Variants in KLRD1 observed in about 807,000 individuals in gnomAD.
The protein encoded by KLRD1 is natural killer cells antigen CD94.
Under a neutral mutation model 22.6 loss-of-function variants are expected in KLRD1, and 21 were observed. The ratio of observed to expected loss-of-function variants is 0.93; its 90% CI spans 0.66 to 1.34. The LOEUF (loss-of-function observed/expected upper bound fraction) is 1.34, where lower values mean the gene tolerates loss of function less well. Among genes scored for constraint, KLRD1 ranks in the 40% most tolerant of loss-of-function variants. KLRD1 has a pLI of 0.00. For missense variants in KLRD1, 183 were observed against 208.6 expected, an observed-to-expected ratio of 0.88 and a Z score of 0.76; for synonymous variants, 59 against 71.1, an observed-to-expected ratio of 0.83 and a Z score of 0.85.
intron 1 of KLRD1, among the ~76,000 whole-genome samples, chr12:10,257,482 C>CTTTTTTTTTTTTTTTTT (rs56871156): frequency 3.1e-5 from 3 of 97,392 alleles, no homozygotes; most frequent in African/African-American, 1.2e-4. Flanking sequence ...GTAGCTGATT[C>CTTTTTTTTTTTTTTTTT]TTTTTTTTTT....
At chr12:10,246,933 C>CTTTT (rs71049075) in intron 1 of KLRD1, among the ~76,000 whole-genome samples, 10 of 58,376 alleles carry the variant, frequency 1.7e-4, no homozygotes, top group Non-Finnish European at 8.3e-5. Context: ...CTTTTCTTTT[C>CTTTT]TTTTTTTTTT....
intron 1 of KLRD1, among the ~76,000 whole-genome samples, chr12:10,245,506 A>G (rs1949282486): frequency 6.6e-6 from 1 of 152,200 alleles, no homozygotes; most frequent in South Asian, 2.1e-4. Context: ...ATACATGAAA[A>G]TCTGTTTTAT....
intron 1 of KLRD1, among the ~76,000 whole-genome samples, chr12:10,296,010 A>AT: frequency 6.6e-6 from 1 of 152,298 alleles, no homozygotes; most frequent in South Asian, 2.1e-4. Context: ...TCTATAATTT[A>AT]TTTTTAAATT....
intron 1 of KLRD1, among the ~76,000 whole-genome samples, chr12:10,281,325 C>T (rs1397440523): frequency 1.3e-5 from 2 of 152,206 alleles, no homozygotes; most frequent in African/African-American, 2.4e-5. Context: ...ACTTTTCAGA[C>T]TCCAACCCTC....
rs1950364983 is a variant in KLRD1, at chr12:10,326,708, C to T, written c.*11915C>T. The T allele has an allele frequency of 1.3e-5, 2 of 152,072 alleles. No homozygotes were observed. Among genetic ancestry groups the T allele is most frequent in the Non-Finnish European group, 2.9e-5 (2 of 68,032 alleles). The allele number at this position is 152,072 out of a possible 1,614,324, so 9.4% of individuals were successfully genotyped here. Reference sequence around the variant, plus strand: ...GTCACAGGTAAGGGACAAATGGTTGCATCTTTTTGTTTCTGATTAGCCTTT... The same window carrying T: ...GTCACAGGTAAGGGACAAATGGTTGTATCTTTTTGTTTCTGATTAGCCTTT... On this transcript the variant is annotated 3_prime_UTR_variant, in exon 6 of 6. Transcript: ENST00000336164.
chr12:10,271,925 T>A (rs981730788), intron 1 of KLRD1, among the ~76,000 whole-genome samples: 2 of 152,178 alleles, frequency 1.3e-5, no homozygotes, highest in African/African-American at 4.8e-5. Context: ...CGTTTATAGA[T>A]CTATTGTAGA....
chr12:10,303,521 A>T (rs771704844), upstream of KLRD1, among the ~76,000 whole-genome samples: 2 of 152,194 alleles, frequency 1.3e-5, no homozygotes, highest in Non-Finnish European at 2.9e-5. Flanking sequence ...TCTTTTCCTG[A>T]TATAGATAAT....
rs1385062384 is a variant in KLRD1, at chr12:10,325,025, C to G, written c.*10232C>G. 6.6e-6 allele frequency: 1 copy of G among 151,460 alleles called. No homozygotes were observed. Among genetic ancestry groups the G allele is most frequent in the African/African-American group, 2.4e-5 (1 of 41,228 alleles). 9.4% of individuals were successfully genotyped at this position (151,460 alleles called of 1,614,324 possible). On this transcript the variant is annotated 3_prime_UTR_variant, in exon 6 of 6. Coordinates refer to ENST00000336164, the MANE Select transcript of KLRD1 (RefSeq NM_002262.5). ...CTTTTTATCACCTTGTCACAGTGGC[C>G]AGAATATTCAACACAAAGTTGAATA...
At chr12:10,244,040 G>A (rs1324627408) in intron 1 of KLRD1, among the ~76,000 whole-genome samples, 3 of 152,212 alleles carry the variant, frequency 2.0e-5, no homozygotes, top group African/African-American at 4.8e-5. Context: ...TGAGCAGTTC[G>A]TGGGCTTCCG....
At chr12:10,314,094 A>G (rs901488286) in intron 5 of KLRD1, among the ~76,000 whole-genome samples, 1 of 152,194 alleles carries the variant, frequency 6.6e-6, no homozygotes, top group Non-Finnish European at 1.5e-5. Context: ...AACTTTTAAC[A>G]TATGCTTTAT....
chr12:10,269,461 T>C (rs1949529701), intron 1 of KLRD1, among the ~76,000 whole-genome samples: 1 of 152,182 alleles, frequency 6.6e-6, no homozygotes, highest in Non-Finnish European at 1.5e-5. Context: ...TCAAATTCAT[T>C]CTTTAAAAAT....
At chr12:10,285,329 C>T (rs1045679102) in intron 1 of KLRD1, among the ~76,000 whole-genome samples, 1 of 151,966 alleles carries the variant, frequency 6.6e-6, no homozygotes, top group African/African-American at 2.4e-5. Flanking sequence ...GTCTGTAAAA[C>T]CACAGCCAGT....
At chr12:10,266,804 CTTTTA>C (rs1275282988) in intron 1 of KLRD1, among the ~76,000 whole-genome samples, 1 of 146,544 alleles carries the variant, frequency 6.8e-6, no homozygotes, top group Non-Finnish European at 1.5e-5. Context: ...AGGTTCCTTT[CTTTTA>C]TTTTGATACA....
chr12:10,269,015 G>T (rs1334865842), intron 1 of KLRD1, among the ~76,000 whole-genome samples: 1 of 152,082 alleles, frequency 6.6e-6, no homozygotes, highest in South Asian at 2.1e-4. Flanking sequence ...ATATTTTCCT[G>T]TATGTAGAAA....
intron 1 of KLRD1, among the ~76,000 whole-genome samples, chr12:10,296,334 G>C (rs1312078791): frequency 2.0e-5 from 3 of 152,010 alleles, no homozygotes; most frequent in Non-Finnish European, 2.9e-5. Flanking sequence ...GGCTAACACA[G>C]TGAAACCCCG....
In KLRD1 at chr12:10,277,147, A is replaced by C. The variant is rs1356401357; in HGVS notation, c.-100-30831A>C. Among the ~76,000 whole-genome samples, 8 of 126,310 alleles carry C rather than the reference A, an allele frequency of 6.3e-5. No individual in the cohort carries two copies. The East Asian group carries it at 2.1e-3, about 34-fold the overall frequency. The allele number at this position is 126,310 out of a possible 152,430, so 82.9% of individuals were successfully genotyped here. ...TTTTTTTTTTTTTTTTAGATATTTGATATTCCAAAGGTAGAGGTGGGTTTC... is the reference window on the plus strand; with the variant it reads ...TTTTTTTTTTTTTTTTAGATATTTGCTATTCCAAAGGTAGAGGTGGGTTTC... On this transcript the variant is annotated intron_variant, in intron 1 of 5. Coordinates refer to the KLRD1 transcript ENST00000544747.
At chr12:10,310,222 C>T (rs934815909) in intron 3 of KLRD1, among the ~76,000 whole-genome samples, 1 of 152,102 alleles carries the variant, frequency 6.6e-6, no homozygotes, top group African/African-American at 2.4e-5. Context: ...AGTGATTCTC[C>T]CACCTTCCTG....
At chr12:10,285,473 A>T (rs892223466) in intron 1 of KLRD1, among the ~76,000 whole-genome samples, 3 of 152,206 alleles carry the variant, frequency 2.0e-5, no homozygotes, top group African/African-American at 7.2e-5. Flanking sequence ...GTTCTGAAAT[A>T]ACTCAGGGAC....
At chr12:10,263,689 A>G (rs1463157903) in intron 1 of KLRD1, among the ~76,000 whole-genome samples, 1 of 152,104 alleles carries the variant, frequency 6.6e-6, no homozygotes, top group Admixed American at 6.5e-5. Flanking sequence ...TCATGTCCCC[A>G]TGATTTTAAG....
Sources: gnomAD v4.1 joint callset for allele counts (sites outside exome capture counted in the v4.1 genomes callset) on GRCh38, gnomAD v4.1.1 for gene constraint, MANE v1.5 for transcripts, NCBI Gene and HGNC (gene_info 2026-07-23, HGNC 2026-07-21) for gene names.